The following INPP5K variants were observed in gnomAD, a reference collection of about 807,000 sequenced individuals.
INPP5K encodes inositol polyphosphate 5-phosphatase K.
Under a neutral mutation model 53.5 loss-of-function variants are expected in INPP5K, and 35 were observed. That is an observed-to-expected ratio of 0.65 (90% CI 0.50 to 0.87). The LOEUF is 0.87. Ranked by LOEUF, INPP5K falls within the 40% of genes least tolerant of loss-of-function variation. INPP5K has a pLI of 0.00. For synonymous variants in INPP5K, 253 were observed against 232.8 expected, an observed-to-expected ratio of 1.09 and a Z score of -0.79; for missense variants, 550 against 586.2, an observed-to-expected ratio of 0.94 and a Z score of 0.64.
At chr17:1,504,088 A>G (rs1276843321) in intron 7 of INPP5K, among the ~76,000 whole-genome samples, 1 of 151,996 alleles carries the variant, frequency 6.6e-6, no homozygotes, top group African/African-American at 2.4e-5. Context: ...ATTTGCTCCA[A>G]CCTTCTGCAC....
chr17:1,507,189 G>A, intron 6 of INPP5K, 100 bp from the exon 7 acceptor site: 1 of 840,818 alleles, frequency 1.2e-6, no homozygotes, highest in South Asian at 1.6e-5. Context: ...CACAAATGGG[G>A]CAAGAGTCAA....
rs527298971 is a variant in INPP5K at position 1,502,211 on chromosome 17, T to C, written c.777-4089A>G. On this transcript the variant is annotated intron_variant, in intron 7 of 11. Transcript: ENST00000421807. ...AAAAATACAAAAAATTAGCCAGGCG[T>C]GGTGACGGGCGCCTGTAGTCCCAGC... 5.3e-5 allele frequency among the ~76,000 whole-genome samples: 8 copies of C among 151,878 alleles called. No homozygotes were observed. The South Asian group carries it at 1.0e-3, about 20-fold the overall frequency.
chr17:1,510,411 T>C (rs2075280883), intron 3 of INPP5K: 1 of 152,324 alleles, frequency 6.6e-6, no homozygotes, highest in Non-Finnish European at 1.5e-5. Context: ...TTCACCGTGT[T>C]GGCCAGGCTG....
intron 7 of INPP5K, among the ~76,000 whole-genome samples, chr17:1,505,808 A>C (rs1469572493): frequency 6.6e-6 from 1 of 152,124 alleles, no homozygotes; most frequent in African/African-American, 2.4e-5. Context: ...CACTCCAGCT[A>C]GGAGGAATGA....
intron 5 of INPP5K, chr17:1,508,470 C>G (rs890568819): frequency 7.9e-6 from 4 of 504,744 alleles, no homozygotes; most frequent in Non-Finnish European, 1.1e-5. Flanking sequence ...GTGGCCCTTC[C>G]TTCCTCTCCT....
In INPP5K at chr17:1,506,992, T is replaced by C. The variant is rs756555736; in HGVS notation, c.764A>G (p.Asp255Gly). 3 of 1,613,286 alleles carry C rather than the reference T, an allele frequency of 1.9e-6. No homozygotes were observed. The Admixed American group carries it at 5.0e-5, about 27-fold the overall frequency. ...PTYKFDRNSN[D>G]YDTSEKKRKP... ...ACTCCCTCCTCACCTGGTGTCATAG[T>C]CGTTGGAGTTCCTATCAAACTTGTA... is the stretch of plus-strand genomic sequence containing the variant. Residue 255 changes from aspartate (D) to glycine (G), a missense_variant, in exon 7 of 12, where the codon GAC (aspartate) becomes GGC (glycine). By Grantham distance (94) the Asp-to-Gly change is moderately conservative. Coordinates refer to ENST00000421807, the MANE Select transcript of INPP5K (RefSeq NM_016532.4).
chr17:1,501,889 G>A (rs1022746177), intron 7 of INPP5K, among the ~76,000 whole-genome samples: 2 of 148,612 alleles, frequency 1.3e-5, no homozygotes, highest in African/African-American at 2.5e-5. Context: ...ACACAAATTT[G>A]CCAGGCGTGG....
At chr17:1,506,530 ACTCT>A (rs1437766345) in intron 7 of INPP5K, among the ~76,000 whole-genome samples, 1 of 152,032 alleles carries the variant, frequency 6.6e-6, no homozygotes, top group Non-Finnish European at 1.5e-5. Flanking sequence ...TCCTGATGAA[ACTCT>A]CTACCTACTA....
rs2074900511 is a variant in INPP5K at position 1,497,917 on chromosome 17, A to G, written c.963+19T>C. The G allele has an allele frequency of 6.2e-7, 1 of 1,603,026 alleles. No individual in the cohort carries two copies. Among genetic ancestry groups the G allele is most frequent in the South Asian group, 1.1e-5 (1 of 90,166 alleles). ...CATAGCTATTCCTCTGGCAAGTATCAGGCAGCCCAGAAGTTCACCTCCAAG... is the reference window on the plus strand; with the variant it reads ...CATAGCTATTCCTCTGGCAAGTATCGGGCAGCCCAGAAGTTCACCTCCAAG... On this transcript the variant is annotated intron_variant, in intron 8 of 11. Transcript: ENST00000421807.
Position 1,509,310 on chromosome 17 carries a change from T to C in INPP5K, c.422A>G (p.Tyr141Cys), listed in dbSNP as rs894696561. 4.3e-6 allele frequency: 7 copies of C among 1,613,992 alleles called. No homozygotes were observed. The highest frequency in any genetic ancestry group is 5.9e-6 in the Non-Finnish European group (7 of 1,180,012). Residue 141 changes from tyrosine (Y) to cysteine (C), a missense_variant, in exon 5 of 12, where the codon TAC becomes TGC. Transcript: ENST00000421807. ...GTGGCAGTTGATGATGCTGACATAG[T>C]AGCCATAAAGCTTCAGGCAGATGTT... is the stretch of plus-strand genomic sequence containing the variant. ...GVNICLKLYG[Y>C]YVSIINCHLP...
chr17:1,506,895 A>G, intron 7 of INPP5K, 85 bp downstream of exon 7: 2 of 924,190 alleles, frequency 2.2e-6, no homozygotes, highest in Non-Finnish European at 3.4e-6. Context: ...CCCCCCTAAC[A>G]CTTCTATTCT....
rs148097008 is a variant in INPP5K, at chr17:1,496,746, C to A, written c.1021G>T (p.Val341Leu). 6.2e-7 allele frequency: 1 copy of A among 1,614,058 alleles called. No homozygotes were observed. Among genetic ancestry groups the A allele is most frequent in the African/African-American group, 1.3e-5 (1 of 74,936 alleles). Residue 341 changes from valine (V) to leucine (L), a missense_variant, in exon 9 of 12, where the codon GTG becomes TTG. Coordinates refer to ENST00000421807, the MANE Select transcript of INPP5K (RefSeq NM_016532.4). ...TAGCTGACCATCATGTCATTTTCCA[C>A]GGTCCACAGGTCCTCGGGCATCAGG... ...IVLMPEDLWT[V>L]ENDMMVSYSS...
At chr17:1,506,951 G>C (rs373000464) in intron 7 of INPP5K, 29 bp downstream of exon 7, 8 of 1,506,822 alleles carry the variant, frequency 5.3e-6, no homozygotes, top group African/African-American at 2.7e-5. Flanking sequence ...TGACTTCCTA[G>C]ACCTTCTGGC....
Position 1,495,812 on chromosome 17 carries a change from C to T in INPP5K, c.*11G>A. On this transcript the variant is annotated 3_prime_UTR_variant, in exon 12 of 12. Transcript: ENST00000421807. ...CTCTGGCCTCCGCCTGGGATTCACT[C>T]CCATCCTGGCTCAGATCTGTGGCTG... 2.5e-6 allele frequency: 4 copies of T among 1,609,110 alleles called. No homozygotes were observed. Among genetic ancestry groups the T allele is most frequent in the Non-Finnish European group, 3.4e-6 (4 of 1,176,160 alleles).
At chr17:1,504,175 G>T (rs530679197) in intron 7 of INPP5K, among the ~76,000 whole-genome samples, 1 of 152,302 alleles carries the variant, frequency 6.6e-6, no homozygotes, top group African/African-American at 2.4e-5. Context: ...TCCCAGGGAT[G>T]GTCCTAAATC....
intron 8 of INPP5K, chr17:1,497,685 T>C (rs1319955099): frequency 2.4e-6 from 1 of 416,714 alleles, no homozygotes; most frequent in East Asian, 3.8e-5. Context: ...TGGAACTCAT[T>C]AGCCCCAAGG....
At chr17:1,497,165 G>A (rs1216070437) in intron 8 of INPP5K, among the ~76,000 whole-genome samples, 1 of 152,246 alleles carries the variant, frequency 6.6e-6, no homozygotes, top group Admixed American at 6.5e-5. Flanking sequence ...GGTGAGAACA[G>A]CTGTGAACGT....
chr17:1,513,996 G>A lies in INPP5K; in HGVS notation c.45-17C>T, dbSNP rs1350917097. 12 of 1,573,998 alleles carry A rather than the reference G, an allele frequency of 7.6e-6. No individual in the cohort carries two copies. The highest frequency in any genetic ancestry group is 1.0e-5 in the Non-Finnish European group (12 of 1,147,064). On this transcript the variant is annotated splice_polypyrimidine_tract_variant and intron_variant, in intron 1 of 11. Coordinates refer to ENST00000421807, the MANE Select transcript of INPP5K (RefSeq NM_016532.4). ...ACGTGTATGCTGCGGAAGGGATGCAGAGGGAAGTCATGGAGGAAGGAGGAT... is the reference window on the plus strand; with the variant it reads ...ACGTGTATGCTGCGGAAGGGATGCAAAGGGAAGTCATGGAGGAAGGAGGAT...
intron 6 of INPP5K, chr17:1,507,651 C>T (rs140504434): frequency 0.011 from 1,765 of 156,970 alleles, 17 homozygotes; most frequent in Middle Eastern, 0.026. Context: ...AGCGATTCCC[C>T]TACCTCAGCC....
Sources: gnomAD v4.1 joint callset for allele counts (sites outside exome capture counted in the v4.1 genomes callset) on GRCh38, gnomAD v4.1.1 for gene constraint, MANE v1.5 for transcripts, NCBI Gene and HGNC (gene_info 2026-07-23, HGNC 2026-07-21) for gene names.